Variants in TRPC4 observed in about 807,000 individuals in gnomAD.
The protein encoded by TRPC4 is transient receptor potential cation channel subfamily C member 4, also known as short transient receptor potential channel 4.
A neutral mutation model predicts 99.4 loss-of-function variants in TRPC4; 49 were observed. The observed-to-expected ratio is 0.49, with a 90% CI of 0.39 to 0.63. The LOEUF is 0.63. TRPC4 is among the 20% of genes least tolerant of loss of function. The pLI is 0.00. For synonymous variants in TRPC4, 454 were observed against 425.9 expected (o/e 1.07, Z -0.81); for missense variants, 898 against 1,152.9 (o/e 0.78, Z 3.20).
chr13:37,736,568 A>G (rs1955399757), intron 3 of TRPC4, among the ~76,000 whole-genome samples: 1 of 152,132 alleles, frequency 6.6e-6, no homozygotes, highest in Non-Finnish European at 1.5e-5. Context: ...GTTAATACCA[A>G]GTATGTACTA....
At chr13:37,776,215 C>T (rs182830700) in intron 2 of TRPC4, among the ~76,000 whole-genome samples, 1 of 151,912 alleles carries the variant, frequency 6.6e-6, no homozygotes, top group Non-Finnish European at 1.5e-5. Context: ...AATTTTTAGA[C>T]ATTCAAAGTA....
chr13:37,664,470 A>G (rs993724026), intron 5 of TRPC4, among the ~76,000 whole-genome samples: 14 of 152,062 alleles, frequency 9.2e-5, no homozygotes, highest in Non-Finnish European at 1.6e-4. Flanking sequence ...GCTATTAGGG[A>G]GGCTGAGGCA....
chr13:37,851,720 T>C (rs972437463), intron 1 of TRPC4, among the ~76,000 whole-genome samples: 15 of 152,302 alleles, frequency 9.8e-5, no homozygotes, highest in Non-Finnish European at 1.0e-4. Flanking sequence ...TGTTATATCA[T>C]TGAAAGAGGC....
intron 1 of TRPC4, among the ~76,000 whole-genome samples, chr13:37,854,631 T>C (rs577660036): frequency 2.0e-5 from 3 of 152,268 alleles, no homozygotes; most frequent in Non-Finnish European, 2.9e-5. Context: ...GTGGAGTTTT[T>C]ATTAATTTTC....
At chr13:37,826,810 A>T (rs183453776) in intron 1 of TRPC4, among the ~76,000 whole-genome samples, 3 of 152,194 alleles carry the variant, frequency 2.0e-5, no homozygotes, top group African/African-American at 7.2e-5. Flanking sequence ...CTGAATCTGA[A>T]TGTTGCCCTG....
At chr13:37,839,776 C>T (rs1958682190) in intron 1 of TRPC4, among the ~76,000 whole-genome samples, 1 of 152,094 alleles carries the variant, frequency 6.6e-6, no homozygotes, top group Non-Finnish European at 1.5e-5. Flanking sequence ...GGCTTTTAAT[C>T]AACTCCCCTA....
chr13:37,830,600 T>A (rs1474458380), intron 1 of TRPC4, among the ~76,000 whole-genome samples: 1 of 151,150 alleles, frequency 6.6e-6, no homozygotes, highest in Non-Finnish European at 1.5e-5. Flanking sequence ...TAATCCCAGA[T>A]ACTCAGGAGG....
intron 2 of TRPC4, among the ~76,000 whole-genome samples, chr13:37,778,070 G>A (rs9594230): frequency 0.45 from 68,781 of 151,902 alleles, 15,865 homozygotes; most frequent in Middle Eastern, 0.5. Context: ...GATAGAGACA[G>A]TCTGAATGTG....
chr13:37,736,463 A>G (rs747463585), intron 3 of TRPC4, among the ~76,000 whole-genome samples: 1 of 152,114 alleles, frequency 6.6e-6, no homozygotes, highest in African/African-American at 2.4e-5. Flanking sequence ...CCTTTCTATG[A>G]GTATAGCTAA....
At chr13:37,762,230 G>T (rs760867432) in intron 2 of TRPC4, among the ~76,000 whole-genome samples, 13 of 151,762 alleles carry the variant, frequency 8.6e-5, no homozygotes, top group African/African-American at 1.2e-4. Context: ...CAGTGTAAAA[G>T]TGTTCCTATT....
chr13:37,815,023 T>C (rs1325373535), intron 1 of TRPC4, among the ~76,000 whole-genome samples: 1 of 151,772 alleles, frequency 6.6e-6, no homozygotes, highest in Non-Finnish European at 1.5e-5. Flanking sequence ...AAATAAACCC[T>C]TATGCTTATG....
chr13:37,853,616 T>A (rs1246888989), intron 1 of TRPC4, among the ~76,000 whole-genome samples: 1 of 152,114 alleles, frequency 6.6e-6, no homozygotes, highest in Non-Finnish European at 1.5e-5. Flanking sequence ...AACAGAGACA[T>A]GTGACCTTTC....
intron 2 of TRPC4, among the ~76,000 whole-genome samples, chr13:37,756,810 C>T (rs1413206786): frequency 1.3e-5 from 2 of 152,022 alleles, no homozygotes; most frequent in Non-Finnish European, 2.9e-5. Flanking sequence ...GCTGGGATTA[C>T]AGGCGTGAGC....
At chr13:37,651,518 T>A (rs1308549377) in intron 7 of TRPC4, 59 bp from the exon 8 acceptor site, 1 of 1,499,794 alleles carries the variant, frequency 6.7e-7, no homozygotes, top group Admixed American at 1.7e-5. Context: ...GTACCATAAA[T>A]CTCACAGAGA....
intron 1 of TRPC4, among the ~76,000 whole-genome samples, chr13:37,824,449 C>G (rs1272582182): frequency 6.6e-6 from 1 of 152,086 alleles, no homozygotes; most frequent in Non-Finnish European, 1.5e-5. Context: ...TACTTCCCAT[C>G]AATACCTAAT....
At chr13:37,706,972 C>T (rs1355565287) in intron 3 of TRPC4, among the ~76,000 whole-genome samples, 1 of 152,026 alleles carries the variant, frequency 6.6e-6, no homozygotes, top group South Asian at 2.1e-4. Flanking sequence ...TATTTTTCCT[C>T]ACCTTGCTTT....
rs187371450 is a variant in TRPC4, at chr13:37,799,027, G to A, written c.-27-15667C>T. 6.6e-5 allele frequency among the ~76,000 whole-genome samples: 10 copies of A among 151,322 alleles called. No homozygotes were observed. In the East Asian group the frequency reaches 1.9e-3, roughly 29 times the overall value. ...GCTCACTGCAACCTCTGCCTCCTGG[G>A]TTCACGCCATTCTCCTGCCTCAGCC... On this transcript the variant is annotated intron_variant, in intron 1 of 10. Transcript: ENST00000379705.
intron 4 of TRPC4, among the ~76,000 whole-genome samples, chr13:37,678,246 A>C (rs1953124136): frequency 6.6e-6 from 1 of 152,070 alleles, no homozygotes; most frequent in African/African-American, 2.4e-5. Flanking sequence ...CAAAACAAGC[A>C]GAAAGAAGAA....
At chr13:37,664,662 A>G (rs563947971) in intron 5 of TRPC4, among the ~76,000 whole-genome samples, 15 of 152,328 alleles carry the variant, frequency 9.8e-5, no homozygotes, top group Admixed American at 9.1e-4. Flanking sequence ...TGAATAATAA[A>G]TTGAATTATT....
Sources: gnomAD v4.1 joint callset for allele counts (sites outside exome capture counted in the v4.1 genomes callset) on GRCh38, gnomAD v4.1.1 for gene constraint, MANE v1.5 for transcripts, NCBI Gene and HGNC (gene_info 2026-07-23, HGNC 2026-07-21) for gene names.